CIAO1: variants seen among roughly 807,000 people sequenced by gnomAD.
CIAO1 encodes probable cytosolic iron-sulfur protein assembly protein CIAO1.
A neutral mutation model predicts 43.1 loss-of-function variants in CIAO1; 32 were observed. That is an observed-to-expected ratio of 0.74 (90% CI 0.56 to 1.00). The LOEUF (loss-of-function observed/expected upper bound fraction) is 1.00. Ranked by LOEUF, CIAO1 falls within the 50% of genes least tolerant of loss-of-function variation. The pLI is 0.00. For synonymous variants in CIAO1, 183 were observed against 171.4 expected, an observed-to-expected ratio of 1.07 and a Z score of -0.53; for missense variants, 415 against 437.4, an observed-to-expected ratio of 0.95 and a Z score of 0.46.
Position 96,267,396 on chromosome 2 carries a change from G to C in CIAO1, c.215G>C (p.Cys72Ser), listed in dbSNP as rs371532142. The change falls in exon 2 of 7, where the codon TGC becomes TCC. Residue 72 changes from cysteine to serine, a missense_variant. Coordinates refer to ENST00000488633, the MANE Select transcript of CIAO1 (RefSeq NM_004804.3). ...RTVRKVAWSP[C>S]GNYLASASFD... The stretch of plus-strand genomic sequence containing the variant: ...GTGCGGAAGGTAGCCTGGTCCCCCT[G>C]CGGTAATTACCTGGCCTCTGCCAGC... The C allele has an allele frequency of 6.2e-7, 1 of 1,614,062 alleles. No individual in the cohort carries two copies. Among genetic ancestry groups the C allele is most frequent in the African/African-American group, 1.3e-5 (1 of 74,924 alleles).
chr2:96,267,867 T>C lies in CIAO1; in HGVS notation c.432T>C (p.Ser144=). 1 of 1,614,154 alleles carries C rather than the reference T, an allele frequency of 6.2e-7. No individual in the cohort carries two copies. Among genetic ancestry groups the C allele is most frequent in the Non-Finnish European group, 8.5e-7 (1 of 1,180,028 alleles). The stretch of plus-strand genomic sequence containing the variant: ...AAGAGGATGAGTATGAATGTGTCAG[T>C]GTTCTCAACTCCCACACACAGGATG... The part of the protein sequence containing the change: ...VDEEDEYECV[S]VLNSHTQDVK... The change falls in exon 4 of 7, where the codon AGT becomes AGC. Residue 144 remains serine (S), a synonymous_variant. Coordinates refer to ENST00000488633, the MANE Select transcript of CIAO1 (RefSeq NM_004804.3).
intron 6 of CIAO1, among the ~76,000 whole-genome samples, chr2:96,270,333 C>T (rs1307605522): frequency 2.6e-5 from 4 of 151,824 alleles, no homozygotes; most frequent in African/African-American, 4.8e-5. Flanking sequence ...GGTGAAACCC[C>T]GTCTCTACTA....
intron 6 of CIAO1, 77 bp downstream of exon 6, chr2:96,269,432 C>A: frequency 7.4e-7 from 1 of 1,357,022 alleles, no homozygotes; most frequent in Non-Finnish European, 1.1e-6. Context: ...ATGCAGTCCT[C>A]TGCAACCCTG....
chr2:96,271,031 G>T (rs1466238872), intron 6 of CIAO1, 80 bp from the exon 7 acceptor site: 3 of 1,560,152 alleles, frequency 1.9e-6, no homozygotes, highest in African/African-American at 1.4e-5. Context: ...AGTTAGGGAA[G>T]AGAACAGGCC....
At position 96,267,698 on chromosome 2, in the gene CIAO1, C is replaced by T; in HGVS notation, c.362C>T (p.Ala121Val). The T allele has an allele frequency of 1.2e-6, 2 of 1,614,170 alleles. No homozygotes were observed. Among genetic ancestry groups the T allele is most frequent in the Non-Finnish European group, 1.7e-6 (2 of 1,180,046 alleles). The stretch of plus-strand genomic sequence containing the variant: ...TGGGCCCCATCTGGCAACCTCCTGG[C>T]CACTTGCAGCCGAGATAAGAGCGTT... ...VAWAPSGNLL[A>V]TCSRDKSVWV... Residue 121 changes from alanine to valine, a missense_variant, in exon 3 of 7, where the codon GCC (alanine) becomes GTC (valine). Transcript: ENST00000488633.
Position 96,267,419 on chromosome 2 carries a change from A to C in CIAO1, c.238A>C (p.Ser80Arg). 1 of 1,614,200 alleles carries C rather than the reference A, an allele frequency of 6.2e-7. No homozygotes were observed. Among genetic ancestry groups the C allele is most frequent in the Non-Finnish European group, 8.5e-7 (1 of 1,180,028 alleles). The change falls in exon 2 of 7, where the codon AGC becomes CGC. Residue 80 changes from serine to arginine, a missense_variant. Transcript: ENST00000488633. ...SPCGNYLASA[S>R]FDATTCIWKK... ...CTGCGGTAATTACCTGGCCTCTGCCAGCTTTGATGCTACCACTTGCATTTG... is the reference window on the plus strand; with the variant it reads ...CTGCGGTAATTACCTGGCCTCTGCCCGCTTTGATGCTACCACTTGCATTTG...
Position 96,269,257 on chromosome 2 carries a change from C to T in CIAO1, c.692-11C>T. ...AGGAACGTTTAAGGGCAAGAGAAGT[C>T]TGTCTTGCAGGGGTGGCATGCAGCG... On this transcript the variant is annotated splice_polypyrimidine_tract_variant and intron_variant, in intron 5 of 6. Transcript: ENST00000488633. The T allele has an allele frequency of 1.9e-6, 3 of 1,612,850 alleles. No homozygotes were observed. The highest frequency in any genetic ancestry group is 1.1e-5 in the South Asian group (1 of 91,048).
chr2:96,267,798 C>T, intron 3 of CIAO1, 38 bp from the exon 4 acceptor site: 1 of 1,612,214 alleles, frequency 6.2e-7, no homozygotes. Flanking sequence ...GTGTCCCTGA[C>T]AGGGTCGGCT....
chr2:96,266,598 G>A, intron 1 of CIAO1, 109 bp downstream of exon 1: 1 of 1,196,410 alleles, frequency 8.4e-7, no homozygotes, highest in Non-Finnish European at 1.1e-6. Flanking sequence ...CGGAGGGAGA[G>A]TGGGATGTTA....
Position 96,271,312 on chromosome 2 carries a change from G to C in CIAO1, c.981G>C (p.Glu327Asp). The C allele has an allele frequency of 6.2e-7, 1 of 1,614,184 alleles. No homozygotes were observed. The highest frequency in any genetic ancestry group is 1.1e-5 in the South Asian group (1 of 91,084). The change falls in exon 7 of 7, where the codon GAG becomes GAC. Residue 327 changes from glutamate to aspartate, a missense_variant. Transcript: ENST00000488633. Reference protein sequence around the residue: ...GLLASCSDDGEVAFWKYQRPE... With the variant: ...GLLASCSDDGDVAFWKYQRPE... ...TGGCCTCCTGCAGTGATGATGGGGA[G>C]GTGGCCTTCTGGAAGTATCAGCGGC... is the stretch of plus-strand genomic sequence containing the variant.
Position 96,273,841 on chromosome 2 carries a change from A to G in CIAO1, c.*2490A>G, listed in dbSNP as rs773554860. ...AGCTGTAAGAATTCAACTGTTTATT[A>G]TAACAAGATACTAAAGAGACTGTAA... On this transcript the variant is annotated 3_prime_UTR_variant, in exon 7 of 7. Coordinates refer to ENST00000488633, the MANE Select transcript of CIAO1 (RefSeq NM_004804.3). 5.9e-5 allele frequency among the ~76,000 whole-genome samples: 9 copies of G among 152,036 alleles called. No individual in the cohort carries two copies. Among genetic ancestry groups the G allele is most frequent in the Non-Finnish European group, 1.3e-4 (9 of 68,030 alleles).
rs183336755 is a variant in CIAO1, at chr2:96,272,117, T to C, written c.*766T>C. The C allele has an allele frequency of 5.9e-5, 9 of 152,352 alleles. No homozygotes were observed. Among genetic ancestry groups the C allele is most frequent in the Admixed American group, 3.3e-4 (5 of 15,302 alleles). The allele number at this position is 152,352 out of a possible 1,614,324, so 9.4% of individuals were successfully genotyped here. The stretch of plus-strand genomic sequence containing the variant: ...CAGCACATATAGTGTGTCTGTGATA[T>C]TCCATTTTCATGGCAGGGAGTGATC... On this transcript the variant is annotated 3_prime_UTR_variant, in exon 7 of 7. Transcript: ENST00000488633.
chr2:96,269,048 C>T, intron 5 of CIAO1: 1 of 602,144 alleles, frequency 1.7e-6, no homozygotes. Context: ...AAAGTAGTTA[C>T]ATACAGTCTG....
Position 96,269,321 on chromosome 2 carries a change from G to T in CIAO1, c.745G>T (p.Gly249Cys). 6.2e-7 allele frequency: 1 copy of T among 1,614,108 alleles called. No homozygotes were observed. The highest frequency in any genetic ancestry group is 8.5e-7 in the Non-Finnish European group (1 of 1,180,010). Residue 249 changes from glycine to cysteine, a missense_variant, in exon 6 of 7, where the codon GGC becomes TGC. Gly to Cys is a radical substitution (Grantham distance 159). Transcript: ENST00000488633. ...PSWKCICTLS[G>C]FHSRTIYDIA... ...TTGGAAATGTATCTGTACTTTGTCC[G>T]GCTTCCACTCAAGGACCATTTATGA...
Position 96,268,561 on chromosome 2 carries a change from G to A in CIAO1, c.594G>A (p.Trp198Ter). 1 of 1,614,240 alleles carries A rather than the reference G, an allele frequency of 6.2e-7. No individual in the cohort carries two copies. The change falls in exon 5 of 7, where the codon TGG (tryptophan) becomes TGA (stop). Residue 198 changes from tryptophan to a stop codon, truncating the protein, a stop_gained. Coordinates refer to ENST00000488633, the MANE Select transcript of CIAO1 (RefSeq NM_004804.3). LOFTEE classifies it high-confidence loss of function. ...TTGAGGGCCATGAATCCACTGTGTG[G>A]AGCTTGGCCTTTGACCCGAGTGGCC... ...ATLEGHESTVWSLAFDPSGQR... is the reference protein window; with the variant it reads ...ATLEGHESTV
rs1684603434 is a variant in CIAO1 at position 96,273,864 on chromosome 2, T to C, written c.*2513T>C. Among the ~76,000 whole-genome samples, 1 of 151,742 alleles carries C rather than the reference T, an allele frequency of 6.6e-6. No individual in the cohort carries two copies. The highest frequency in any genetic ancestry group is 1.5e-5 in the Non-Finnish European group (1 of 67,988). ...TTATAACAAGATACTAAAGAGACTG[T>C]AAAATGCCACCCTTCTCCTTGGATT... On this transcript the variant is annotated 3_prime_UTR_variant, in exon 7 of 7. Transcript: ENST00000488633.
At position 96,267,876 on chromosome 2, in the gene CIAO1, C is replaced by T; in HGVS notation, c.441C>T (p.Asn147=). ...AGTATGAATGTGTCAGTGTTCTCAA[C>T]TCCCACACACAGGATGTCAAGCATG... ...EDEYECVSVL[N]SHTQDVKHVV... is the part of the protein sequence containing the mutation. The change falls in exon 4 of 7, where the codon AAC becomes AAT. Residue 147 remains asparagine (N), a synonymous_variant. Transcript: ENST00000488633. The T allele has an allele frequency of 6.2e-7, 1 of 1,614,170 alleles. No individual in the cohort carries two copies. The highest frequency in any genetic ancestry group is 1.1e-5 in the South Asian group (1 of 91,088).
chr2:96,270,809 CAA>C (rs531540380), intron 6 of CIAO1, among the ~76,000 whole-genome samples: 8 of 53,780 alleles, frequency 1.5e-4, no homozygotes, highest in Admixed American at 1.7e-4. Flanking sequence ...GACTCCATCT[CAA>C]AAAAAAAAAA....
At position 96,267,374 on chromosome 2, in the gene CIAO1, C is replaced by G; in HGVS notation, c.193C>G (p.Arg65Gly). ...VLSEGHQRTV[R>G]KVAWSPCGNY... ...TTCTGAAGGCCACCAGCGCACCGTG[C>G]GGAAGGTAGCCTGGTCCCCCTGCGG... Residue 65 changes from arginine (R) to glycine (G), a missense_variant, in exon 2 of 7, where the codon CGG (arginine) becomes GGG (glycine). Arg to Gly is a moderately radical substitution (Grantham distance 125). Coordinates refer to ENST00000488633, the MANE Select transcript of CIAO1 (RefSeq NM_004804.3). 6.2e-7 allele frequency: 1 copy of G among 1,614,136 alleles called. No individual in the cohort carries two copies. Among genetic ancestry groups the G allele is most frequent in the Non-Finnish European group, 8.5e-7 (1 of 1,180,022 alleles).
Sources: gnomAD v4.1 joint callset for allele counts (sites outside exome capture counted in the v4.1 genomes callset) on GRCh38, gnomAD v4.1.1 for gene constraint, MANE v1.5 for transcripts, NCBI Gene and HGNC (gene_info 2026-07-23, HGNC 2026-07-21) for gene names.